Variants in CSMD1 observed in about 807,000 individuals in gnomAD.
CSMD1 encodes the protein CUB and Sushi multiple domains 1.
CSMD1 carries 213 observed loss-of-function variants against 417.5 expected under a neutral mutation model. The observed-to-expected ratio is 0.51, with a 90% CI of 0.46 to 0.57. CSMD1 has a LOEUF of 0.57. CSMD1 is among the 20% of genes least tolerant of loss of function. The pLI is 0.00. For synonymous variants in CSMD1, 2,862 were observed against 1,736.8 expected (o/e 1.65, Z -16.11); for missense variants, 6,923 against 4,529.7 (o/e 1.53, Z -15.17).
chr8:3,870,259 C>T (rs1398367225), intron 5 of CSMD1, among the ~76,000 whole-genome samples: 1 of 152,152 alleles, frequency 6.6e-6, no homozygotes, highest in Non-Finnish European at 1.5e-5. Flanking sequence ...TAAGATTATT[C>T]AACTGTGTAA....
intron 3 of CSMD1, among the ~76,000 whole-genome samples, chr8:4,289,450 G>C (rs1392109363): frequency 2.0e-5 from 3 of 152,060 alleles, no homozygotes; most frequent in Non-Finnish European, 4.4e-5. Context: ...CACTCTAAAT[G>C]ACTCCATCAA....
intron 10 of CSMD1, among the ~76,000 whole-genome samples, chr8:3,559,143 C>T (rs1799357259): frequency 6.6e-6 from 1 of 152,094 alleles, no homozygotes; most frequent in Non-Finnish European, 1.5e-5. Flanking sequence ...GTGTGTGTAC[C>T]CTGTGGCAGG....
intron 23 of CSMD1, among the ~76,000 whole-genome samples, chr8:3,317,536 A>G (rs954262335): frequency 6.6e-6 from 1 of 152,124 alleles, no homozygotes; most frequent in African/African-American, 2.4e-5. Flanking sequence ...ACTTCTTTGT[A>G]TAGCAAGGGG....
intron 21 of CSMD1, among the ~76,000 whole-genome samples, chr8:3,355,988 G>T (rs1002620140): frequency 1.2e-4 from 18 of 151,996 alleles, no homozygotes; most frequent in African/African-American, 4.1e-4. Context: ...ACCCTAAAAT[G>T]AATAAACACA....
chr8:3,264,873 G>C (rs934152995), intron 26 of CSMD1, among the ~76,000 whole-genome samples: 1 of 146,036 alleles, frequency 6.8e-6, no homozygotes. Flanking sequence ...GGTGTGTGTG[G>C]CCTGTGTGTG....
chr8:4,586,542 T>A (rs1249176477), intron 2 of CSMD1, among the ~76,000 whole-genome samples: 5 of 152,160 alleles, frequency 3.3e-5, no homozygotes, highest in Admixed American at 2.6e-4. Flanking sequence ...GAAAAATCAA[T>A]GTTTTTATGG....
At chr8:4,184,738 T>G (rs529230364) in intron 3 of CSMD1, among the ~76,000 whole-genome samples, 2 of 150,564 alleles carry the variant, frequency 1.3e-5, no homozygotes, top group African/African-American at 2.4e-5. Flanking sequence ...AAATAACTAA[T>G]GGGTACTGGG....
chr8:4,475,528 T>C (rs1176571516), intron 2 of CSMD1, among the ~76,000 whole-genome samples: 1 of 152,206 alleles, frequency 6.6e-6, no homozygotes, highest in African/African-American at 2.4e-5. Context: ...CAGAGATAAC[T>C]AGAAAGTTTC....
intron 8 of CSMD1, among the ~76,000 whole-genome samples, chr8:3,599,672 T>C (rs1419267911): frequency 6.6e-6 from 1 of 152,236 alleles, no homozygotes; most frequent in African/African-American, 2.4e-5. Context: ...TTTATGCCTT[T>C]AACAACATCT....
intron 3 of CSMD1, among the ~76,000 whole-genome samples, chr8:4,288,968 G>C (rs1037036990): frequency 1.3e-5 from 2 of 152,120 alleles, no homozygotes; most frequent in African/African-American, 4.8e-5. Flanking sequence ...TAAAAATGGT[G>C]ATACGTGCAT....
intron 1 of CSMD1, among the ~76,000 whole-genome samples, chr8:4,736,503 A>C (rs1810244742): frequency 6.6e-6 from 1 of 152,102 alleles, no homozygotes; most frequent in African/African-American, 2.4e-5. Context: ...GAACTCAGAT[A>C]CTCAAGCATA....
At chr8:4,161,081 A>C (rs547072211) in intron 3 of CSMD1, among the ~76,000 whole-genome samples, 1 of 151,934 alleles carries the variant, frequency 6.6e-6, no homozygotes, top group African/African-American at 2.4e-5. Context: ...AATGTAAATA[A>C]TGTAAGAGAT....
chr8:3,172,414 G>A (rs1365385636), intron 37 of CSMD1, among the ~76,000 whole-genome samples: 2 of 152,082 alleles, frequency 1.3e-5, no homozygotes, highest in African/African-American at 4.8e-5. Context: ...GCTGTCATCT[G>A]CATCTCAGAA....
At chr8:4,528,386 G>A (rs951916024) in intron 2 of CSMD1, among the ~76,000 whole-genome samples, 1 of 152,162 alleles carries the variant, frequency 6.6e-6, no homozygotes, top group Non-Finnish European at 1.5e-5. Context: ...TCTCAATCAT[G>A]CCAGAAGGTA....
At chr8:4,861,202 T>C (rs1306572498) in intron 1 of CSMD1, among the ~76,000 whole-genome samples, 1 of 152,182 alleles carries the variant, frequency 6.6e-6, no homozygotes, top group Non-Finnish European at 1.5e-5. Context: ...CTCAGAGACC[T>C]GCTCTAATCT....
intron 1 of CSMD1, among the ~76,000 whole-genome samples, chr8:4,959,480 T>A (rs576989182): frequency 6.6e-6 from 1 of 152,340 alleles, no homozygotes; most frequent in Admixed American, 6.5e-5. Flanking sequence ...CCTCAGGATA[T>A]CCTGTTTGTT....
At chr8:4,330,019 A>T (rs1799779011) in intron 3 of CSMD1, among the ~76,000 whole-genome samples, 1 of 152,192 alleles carries the variant, frequency 6.6e-6, no homozygotes, top group Admixed American at 6.5e-5. Context: ...TACAGCATGC[A>T]GAACTGTGAG....
chr8:3,756,678 G>A (rs929118856), intron 5 of CSMD1, among the ~76,000 whole-genome samples: 2 of 152,232 alleles, frequency 1.3e-5, no homozygotes, highest in South Asian at 2.1e-4. Flanking sequence ...GTAGGAAGCT[G>A]CATGTACTTG....
intron 3 of CSMD1, among the ~76,000 whole-genome samples, chr8:4,194,805 CTA>C (rs1025839234): frequency 6.6e-6 from 1 of 151,932 alleles, no homozygotes; most frequent in African/African-American, 2.4e-5. Context: ...TCTTTGGTCA[CTA>C]TGAGTTCTGC....
Sources: gnomAD v4.1 joint callset for allele counts (sites outside exome capture counted in the v4.1 genomes callset) on GRCh38, gnomAD v4.1.1 for gene constraint, MANE v1.5 for transcripts, NCBI Gene and HGNC (gene_info 2026-07-23, HGNC 2026-07-21) for gene names.